Variants in FBXO27 observed in about 807,000 individuals in gnomAD.
FBXO27 encodes F-box only protein 27.
In FBXO27, 28 loss-of-function variants were observed where a neutral mutation model predicts 28.3. The observed-to-expected ratio is 0.99, with a 90% CI of 0.73 to 1.36. The LOEUF is 1.36. FBXO27 is among the 40% of genes most tolerant of loss of function. FBXO27 has a pLI of 0.00. For synonymous variants in FBXO27, 175 were observed against 167.3 expected, an observed-to-expected ratio of 1.05 and a Z score of -0.36; for missense variants, 388 against 394.1, an observed-to-expected ratio of 0.98 and a Z score of 0.13.
chr19:39,023,177 C>T (rs1318899146), downstream of FBXO27, among the ~76,000 whole-genome samples: 2 of 152,128 alleles, frequency 1.3e-5, no homozygotes, highest in South Asian at 2.1e-4. Context: ...CTCAAGTGAT[C>T]CACCTGCCGC....
At chr19:39,019,086 AAAG>A (rs759818440), downstream of FBXO27, among the ~76,000 whole-genome samples, 11,762 of 136,856 alleles carry the variant, frequency 0.086, 551 homozygotes, top group Non-Finnish European at 0.11. Flanking sequence ...AAAAAAAAAG[AAAG>A]AAAGAAAATG....
At chr19:39,011,175 A>G (rs981059928) in intron 2 of FBXO27, among the ~76,000 whole-genome samples, 2 of 152,270 alleles carry the variant, frequency 1.3e-5, no homozygotes, top group Non-Finnish European at 2.9e-5. Flanking sequence ...TCACGCCAGT[A>G]ATCCCAGCAC....
intron 2 of FBXO27, among the ~76,000 whole-genome samples, chr19:39,006,795 C>T (rs1036576887): frequency 6.6e-6 from 1 of 151,842 alleles, no homozygotes; most frequent in Non-Finnish European, 1.5e-5. Context: ...AATATAATCC[C>T]AGGCCAGGTG....
chr19:39,031,743 T>C (rs2072905675), intron 2 of FBXO27, 121 bp downstream of exon 2: 1 of 906,704 alleles, frequency 1.1e-6, no homozygotes, highest in Non-Finnish European at 1.3e-6. Context: ...CTCCCACCGG[T>C]CCCACTGCGG....
At chr19:39,029,851 T>C (rs914632993) in intron 4 of FBXO27, among the ~76,000 whole-genome samples, 1 of 152,116 alleles carries the variant, frequency 6.6e-6, no homozygotes, top group Non-Finnish European at 1.5e-5. Context: ...TCATCTCCCC[T>C]TTCTTTTTTT....
At chr19:39,031,392 T>TCCGGC in intron 2 of FBXO27, 72 bp from the exon 3 acceptor site, 1 of 1,377,612 alleles carries the variant, frequency 7.3e-7, no homozygotes, top group Admixed American at 1.9e-5. Context: ...ACCCCGCCCC[T>TCCGGC]AGCCCCTCCC....
At chr19:39,031,381 G>A (rs558133029) in intron 2 of FBXO27, 61 bp from the exon 3 acceptor site, 1 of 1,510,688 alleles carries the variant, frequency 6.6e-7, no homozygotes, top group Non-Finnish European at 9.1e-7. Context: ...TTCCTAGTGA[G>A]ACCCCGCCCC....
At chr19:39,023,129 G>A (rs191758985), downstream of FBXO27, among the ~76,000 whole-genome samples, 53 of 152,210 alleles carry the variant, frequency 3.5e-4, no homozygotes, top group Non-Finnish European at 1.8e-4. Context: ...AGTAGAGACG[G>A]GGTTTCACCA....
intron 2 of FBXO27, among the ~76,000 whole-genome samples, chr19:39,013,417 G>A (rs1198604538): frequency 1.3e-5 from 2 of 151,692 alleles, no homozygotes; most frequent in Non-Finnish European, 2.9e-5. Flanking sequence ...ATCACCTGAG[G>A]TCAGGAGTTC....
At chr19:39,011,890 G>T (rs546461485) in intron 2 of FBXO27, among the ~76,000 whole-genome samples, 3 of 144,918 alleles carry the variant, frequency 2.1e-5, no homozygotes, top group African/African-American at 7.7e-5. Flanking sequence ...GTACAGTGAC[G>T]CAATCTCGGC....
At chr19:39,030,905 G>C in intron 4 of FBXO27, 124 bp downstream of exon 4, 1 of 819,342 alleles carries the variant, frequency 1.2e-6, no homozygotes, top group East Asian at 2.4e-5. Flanking sequence ...ACCATGGCTG[G>C]CCTGAACTTC....
intron 5 of FBXO27, among the ~76,000 whole-genome samples, 162 bp from the exon 6 acceptor site, chr19:39,025,716 T>C (rs2072869569): frequency 6.6e-6 from 1 of 152,016 alleles, no homozygotes; most frequent in African/African-American, 2.4e-5. Flanking sequence ...ACTCCCTCAT[T>C]AAAAAGTAGA....
downstream of FBXO27, among the ~76,000 whole-genome samples, chr19:39,020,755 C>CAAAAA (rs61577516): frequency 0.013 from 1,380 of 105,228 alleles, 41 homozygotes; most frequent in African/African-American, 0.028. Context: ...GTGGATATGG[C>CAAAAA]AAAAAAAAAA....
chr19:39,011,077 C>T (rs2072791811), intron 2 of FBXO27, among the ~76,000 whole-genome samples: 1 of 152,210 alleles, frequency 6.6e-6, no homozygotes, highest in Non-Finnish European at 1.5e-5. Flanking sequence ...GAACCTCTTG[C>T]AATTCCATGT....
At chr19:39,010,084 AGAG>A (rs1375819780) in intron 2 of FBXO27, among the ~76,000 whole-genome samples, 3 of 152,092 alleles carry the variant, frequency 2.0e-5, no homozygotes, top group African/African-American at 7.2e-5. Flanking sequence ...TGCTGGGATT[AGAG>A]GTGTGAGCCA....
At chr19:39,016,594 A>G (rs74642689) in intron 1 of FBXO27, among the ~76,000 whole-genome samples, 3 of 135,784 alleles carry the variant, frequency 2.2e-5, no homozygotes, top group African/African-American at 9.8e-5. Context: ...TCTAATTTGA[A>G]AAAAAAAAAA....
rs139831506 is a variant in FBXO27, at chr19:39,026,731, C to T, written c.708+139G>A. 1,256 of 1,326,976 alleles carry T rather than the reference C, an allele frequency of 9.5e-4. 18 individuals carry two copies. In the East Asian group the frequency reaches 0.013, roughly 13 times the overall value. The allele number at this position is 1,326,976 out of a possible 1,614,324, so 82.2% of individuals were successfully genotyped here. On this transcript the variant is annotated intron_variant, in intron 5 of 5. Transcript: ENST00000292853. ...TTGTGATCCGCCTGCCTTGGCCTCC[C>T]AAAGTGCTGGGATTACAGGTGTGAG...
downstream of FBXO27, among the ~76,000 whole-genome samples, chr19:39,022,644 A>G (rs1299501776): frequency 6.6e-6 from 1 of 151,242 alleles, no homozygotes; most frequent in Non-Finnish European, 1.5e-5. Flanking sequence ...TTTTTGAGAC[A>G]AAGTCTCTGT....
chr19:39,011,977 C>T (rs1349163023), intron 2 of FBXO27, among the ~76,000 whole-genome samples: 7 of 150,042 alleles, frequency 4.7e-5, no homozygotes, highest in Admixed American at 6.7e-5. Context: ...TACAGGTGCC[C>T]GCCACCATGA....
Sources: gnomAD v4.1 joint callset for allele counts (sites outside exome capture counted in the v4.1 genomes callset) on GRCh38, gnomAD v4.1.1 for gene constraint, MANE v1.5 for transcripts, NCBI Gene and HGNC (gene_info 2026-07-23, HGNC 2026-07-21) for gene names.